APBB2: variants seen among roughly 807,000 people sequenced by gnomAD.
APBB2 encodes the protein amyloid beta precursor protein binding family B member 2.
APBB2 carries 38 observed loss-of-function variants against 82.5 expected under a neutral mutation model. The observed-to-expected ratio is 0.46, with a 90% CI of 0.36 to 0.60. APBB2 has a LOEUF of 0.60. APBB2 is among the 20% of genes least tolerant of loss of function. The pLI is 0.00. For missense variants in APBB2, 772 were observed against 972.3 expected, an observed-to-expected ratio of 0.79 and a Z score of 2.74; for synonymous variants, 341 against 368.2, an observed-to-expected ratio of 0.93 and a Z score of 0.85.
At chr4:40,995,514 G>C (rs538437798) in intron 6 of APBB2, among the ~76,000 whole-genome samples, 36 of 150,822 alleles carry the variant, frequency 2.4e-4, no homozygotes, top group Non-Finnish European at 3.0e-4. Flanking sequence ...ACAGGTATGT[G>C]CCACTATATC....
chr4:41,032,073 A>G (rs1717040886), intron 5 of APBB2, among the ~76,000 whole-genome samples: 1 of 152,170 alleles, frequency 6.6e-6, no homozygotes, highest in South Asian at 2.1e-4. Context: ...TGCTGAGCTT[A>G]GTGTTTATGT....
chr4:40,977,907 C>G (rs1427285073), intron 6 of APBB2, among the ~76,000 whole-genome samples: 1 of 152,192 alleles, frequency 6.6e-6, no homozygotes, highest in East Asian at 1.9e-4. Flanking sequence ...AACACAAACT[C>G]CAGCTCCAAG....
chr4:40,918,695 C>T (rs1038333616), intron 10 of APBB2, among the ~76,000 whole-genome samples: 4 of 151,280 alleles, frequency 2.6e-5, no homozygotes, highest in Non-Finnish European at 5.9e-5. Context: ...TTCCTTCTTT[C>T]GGACGACTTC....
intron 1 of APBB2, among the ~76,000 whole-genome samples, chr4:41,157,730 C>A (rs1477167114): frequency 1.3e-5 from 2 of 152,226 alleles, no homozygotes; most frequent in Non-Finnish European, 2.9e-5. Context: ...GTGGCTCACA[C>A]CTGTAATCCC....
At chr4:41,182,325 C>T (rs1771652839) in intron 1 of APBB2, among the ~76,000 whole-genome samples, 1 of 152,216 alleles carries the variant, frequency 6.6e-6, no homozygotes, top group Non-Finnish European at 1.5e-5. Flanking sequence ...CTTCATTCTA[C>T]TGAATGATTA....
Position 40,813,196 on chromosome 4 carries a change from A to C in APBB2, c.*2896T>G, listed in dbSNP as rs1744763374. The C allele has an allele frequency of 6.6e-6, 1 of 152,268 alleles. No homozygotes were observed. The highest frequency in any genetic ancestry group is 6.5e-5 in the Admixed American group (1 of 15,286). The allele number at this position is 152,268 out of a possible 1,614,324, so 9.4% of individuals were successfully genotyped here. On this transcript the variant is annotated 3_prime_UTR_variant, in exon 18 of 18. Coordinates refer to ENST00000508593, the MANE Select transcript of APBB2 (RefSeq NM_004307.2). ...CAAAACCACTTTTTAGGCAATGTATAGTTCACTGAGATTACTTAGATCTGG... is the reference window on the plus strand; with the variant it reads ...CAAAACCACTTTTTAGGCAATGTATCGTTCACTGAGATTACTTAGATCTGG...
intron 1 of APBB2, among the ~76,000 whole-genome samples, chr4:41,159,961 G>GAGAAGGAGAAGAAGAAGAAGAAGAAGA (rs1764562022): frequency 6.3e-5 from 2 of 31,990 alleles, no homozygotes; most frequent in African/African-American, 2.1e-4. Flanking sequence ...GAAGGAGAAG[G>GAGAAGGAGAAGAAGAAGAAGAAGAAGA]AGAAGAAGAA....
At chr4:41,133,973 T>C (rs1349976782) in intron 2 of APBB2, among the ~76,000 whole-genome samples, 1 of 152,078 alleles carries the variant, frequency 6.6e-6, no homozygotes, top group South Asian at 2.1e-4. Context: ...GGACACACTT[T>C]CCTTTTTTCT....
chr4:41,195,108 T>C, intron 1 of APBB2, among the ~76,000 whole-genome samples: 1 of 152,110 alleles, frequency 6.6e-6, no homozygotes, highest in East Asian at 1.9e-4. Flanking sequence ...GTAAGTCTTC[T>C]CCGTCTTCAC....
At chr4:41,026,546 A>G (rs2154435880) in intron 5 of APBB2, among the ~76,000 whole-genome samples, 1 of 152,276 alleles carries the variant, frequency 6.6e-6, no homozygotes, top group South Asian at 2.1e-4. Context: ...GTTTTTGTGA[A>G]CTTGGTGATG....
intron 12 of APBB2, among the ~76,000 whole-genome samples, chr4:40,836,022 G>T (rs906988786): frequency 3.9e-5 from 6 of 152,178 alleles, no homozygotes; most frequent in Non-Finnish European, 7.4e-5. Flanking sequence ...CTCCAGGGTG[G>T]ACAAGACGTG....
chr4:41,213,161 T>A (rs976215671), intron 1 of APBB2, among the ~76,000 whole-genome samples: 5 of 152,124 alleles, frequency 3.3e-5, no homozygotes, highest in South Asian at 4.2e-4. Flanking sequence ...TTGTTTTTTT[T>A]AAATCAGTGA....
chr4:41,105,534 G>T (rs1248843011), intron 2 of APBB2, among the ~76,000 whole-genome samples: 1 of 152,080 alleles, frequency 6.6e-6, no homozygotes, highest in Non-Finnish European at 1.5e-5. Flanking sequence ...GAAATTCCTG[G>T]CTTTTGTGTC....
intron 10 of APBB2, among the ~76,000 whole-genome samples, chr4:40,928,427 C>T (rs1783221315): frequency 1.3e-5 from 1 of 76,592 alleles, no homozygotes; most frequent in East Asian, 3.0e-4. Context: ...CACACACACA[C>T]AATCAGCCAG....
rs148422201 is a variant in APBB2, at chr4:40,864,322, A to G, written c.1529+26042T>C. On this transcript the variant is annotated intron_variant, in intron 12 of 17. Transcript: ENST00000508593. ...CTGTGTACCTGATTATTGCTCCTGG[A>G]GGACTCTATAACGTATATTTGTAAA... 3.0e-4 allele frequency among the ~76,000 whole-genome samples: 45 copies of G among 152,004 alleles called. 1 individual carries two copies. The highest frequency in any genetic ancestry group is 1.0e-3 in the African/African-American group (42 of 41,532).
At chr4:41,143,982 C>T (rs1342056268) in intron 1 of APBB2, among the ~76,000 whole-genome samples, 1 of 152,220 alleles carries the variant, frequency 6.6e-6, no homozygotes, top group Non-Finnish European at 1.5e-5. Flanking sequence ...ATAACTTATG[C>T]TCACTGGTGG....
intron 4 of APBB2, among the ~76,000 whole-genome samples, chr4:41,061,546 A>G (rs1729842357): frequency 6.6e-6 from 1 of 152,240 alleles, no homozygotes; most frequent in African/African-American, 2.4e-5. Flanking sequence ...CTAAACATAG[A>G]AAAGGTACAG....
rs777910826 is a variant in APBB2, at chr4:40,832,013, T to TATATATATAC, written c.1530-1437_1530-1436insGTATATATAT. On this transcript the variant is annotated intron_variant, in intron 12 of 17. Coordinates refer to ENST00000508593, the MANE Select transcript of APBB2 (RefSeq NM_004307.2). This position sits in a 1 kb window ranked among gnomAD's most constrained non-coding sequence, Gnocchi z 4.8. ...ACACATATTTATATATTTATTTATATACACACACACACACACACACACACA... is the reference window on the plus strand; with the variant it reads ...ACACATATTTATATATTTATTTATATATATATATACACACACACACACACACACACACACA... Among the ~76,000 whole-genome samples, 3 of 138,980 alleles carry TATATATATAC rather than the reference T, an allele frequency of 2.2e-5. No individual in the cohort carries two copies. The South Asian group carries it at 7.1e-4, about 33-fold the overall frequency. 91.2% of individuals were successfully genotyped at this position (138,980 alleles called of 152,430 possible).
chr4:40,878,553 A>G (rs1353675324), intron 12 of APBB2, among the ~76,000 whole-genome samples: 1 of 151,934 alleles, frequency 6.6e-6, no homozygotes, highest in Non-Finnish European at 1.5e-5. Context: ...TCCCTCAGAG[A>G]CTGTAACTGT....
Sources: allele counts gnomAD v4.1 joint callset (sites outside exome capture counted in the v4.1 genomes callset), GRCh38; gene constraint gnomAD v4.1.1; non-coding constraint Gnocchi (gnomAD v3.1); transcripts MANE v1.5; gene names NCBI Gene and HGNC (gene_info 2026-07-23, HGNC 2026-07-21).